Variants in ARHGAP32 observed in about 807,000 individuals in gnomAD.
The protein encoded by ARHGAP32 is rho GTPase-activating protein 32.
Under a neutral mutation model 186.5 loss-of-function variants are expected in ARHGAP32, and 51 were observed. The observed-to-expected ratio is 0.27, with a 90% confidence interval of 0.22 to 0.35. The LOEUF is 0.35. ARHGAP32 is among the 10% of genes least tolerant of loss of function. The pLI, the probability that ARHGAP32 is intolerant of heterozygous loss-of-function variation, is 1.00. For synonymous variants in ARHGAP32, 950 were observed against 964.3 expected (o/e 0.99, Z 0.27); for missense variants, 2,186 against 2,623.5 (o/e 0.83, Z 3.64).
In ARHGAP32 at chr11:128,974,313, C is replaced by T. The variant is rs138975915; in HGVS notation, c.2884G>A (p.Ala962Thr). ...TWDKCVEERDATNRSPTQIVK... is the reference protein window; with the variant it reads ...TWDKCVEERDTTNRSPTQIVK... ...ATCTGGGTGGGGGATCTATTTGTGG[C>T]ATCCCTTTCTTCAACGCATTTGTCC... is the stretch of plus-strand genomic sequence containing the variant. The change falls in exon 21 of 23, where the codon GCC (alanine) becomes ACC (threonine). Residue 962 changes from alanine (A) to threonine (T), a missense_variant. Physicochemically the swap from Ala to Thr is moderately conservative, Grantham distance 58. Transcript: ENST00000682385. 173 of 1,614,048 alleles carry T rather than the reference C, an allele frequency of 1.1e-4. No individual in the cohort carries two copies. Among genetic ancestry groups the T allele is most frequent in the Non-Finnish European group, 1.5e-4 (172 of 1,180,032 alleles).
At chr11:129,047,278 A>G (rs577031941) in intron 10 of ARHGAP32, among the ~76,000 whole-genome samples, 3 of 152,348 alleles carry the variant, frequency 2.0e-5, no homozygotes, top group South Asian at 2.1e-4. Flanking sequence ...AGATTTTTCA[A>G]TTGGAATTAT....
chr11:129,104,578 A>G (rs1387319084), intron 5 of ARHGAP32, among the ~76,000 whole-genome samples: 2 of 152,072 alleles, frequency 1.3e-5, no homozygotes, highest in Non-Finnish European at 2.9e-5. Flanking sequence ...AAAAGAAATT[A>G]AGACTAGAAA....
chr11:129,198,677 T>G (rs368514606), intron 1 of ARHGAP32, among the ~76,000 whole-genome samples: 1 of 152,216 alleles, frequency 6.6e-6, no homozygotes, highest in Admixed American at 6.5e-5. Context: ...CTTTCCTTTA[T>G]AGATTACCCA....
intron 1 of ARHGAP32, among the ~76,000 whole-genome samples, chr11:129,256,460 T>C (rs1482178703): frequency 6.6e-6 from 1 of 152,106 alleles, no homozygotes; most frequent in Admixed American, 6.6e-5. Flanking sequence ...ATGGTTTCAA[T>C]ATAGATTATG....
intron 2 of ARHGAP32, among the ~76,000 whole-genome samples, chr11:129,157,169 CT>C (rs1242858931): frequency 6.6e-6 from 1 of 152,122 alleles, no homozygotes; most frequent in Admixed American, 6.5e-5. Flanking sequence ...AACACCTCTT[CT>C]CCTCCAAGGG....
chr11:129,272,780 G>A (rs1945487903), intron 1 of ARHGAP32, among the ~76,000 whole-genome samples: 1 of 152,210 alleles, frequency 6.6e-6, no homozygotes, highest in South Asian at 2.1e-4. Context: ...TGAGATCCAG[G>A]CACAAATGTA....
intron 12 of ARHGAP32, among the ~76,000 whole-genome samples, chr11:128,991,413 A>G (rs958778294): frequency 1.6e-4 from 25 of 152,174 alleles, no homozygotes; most frequent in African/African-American, 5.8e-4. Context: ...CATAAACTTG[A>G]ATCTTGAAGA....
chr11:129,151,151 A>G (rs1253726879), intron 2 of ARHGAP32, among the ~76,000 whole-genome samples: 32 of 152,162 alleles, frequency 2.1e-4, no homozygotes, highest in Admixed American at 2.1e-3. Context: ...TTATATAATG[A>G]TAAAAGGATC....
chr11:129,189,002 T>A (rs1191710304), intron 1 of ARHGAP32, among the ~76,000 whole-genome samples: 2 of 152,198 alleles, frequency 1.3e-5, no homozygotes, highest in Non-Finnish European at 2.9e-5. Flanking sequence ...CTTTCATGAT[T>A]CCTAGGTGTC....
intron 2 of ARHGAP32, among the ~76,000 whole-genome samples, chr11:129,145,926 T>C (rs1943160106): frequency 6.6e-6 from 1 of 152,114 alleles, no homozygotes; most frequent in Non-Finnish European, 1.5e-5. Flanking sequence ...AGAGACAGAC[T>C]TAACAGTTGT....
intron 1 of ARHGAP32, among the ~76,000 whole-genome samples, chr11:129,249,049 G>A (rs1030691997): frequency 6.6e-6 from 1 of 152,124 alleles, no homozygotes; most frequent in East Asian, 1.9e-4. Flanking sequence ...AAATGGTAAT[G>A]AATTAGATAA....
chr11:129,029,383 G>A (rs1273507473), intron 11 of ARHGAP32, among the ~76,000 whole-genome samples: 4 of 152,204 alleles, frequency 2.6e-5, no homozygotes, highest in Non-Finnish European at 5.9e-5. Flanking sequence ...ATGGCACAGG[G>A]CTTGGTGCGC....
rs1945732830 is a variant in ARHGAP32, at chr11:128,982,486, T to TGTGTGTGTGTGC, written c.1527-551_1527-550insGCACACACACAC. Reference sequence around the variant, plus strand: ...ACCAGGTAAGTGCCGTGTGTGTGTGTGTGTGTGTGTGTGTGTGTGTGTCTG... The same window carrying TGTGTGTGTGTGC: ...ACCAGGTAAGTGCCGTGTGTGTGTGTGTGTGTGTGTGCGTGTGTGTGTGTGTGTGTGTGTCTG... On this transcript the variant is annotated intron_variant, in intron 15 of 22. Coordinates refer to ENST00000682385, the MANE Select transcript of ARHGAP32 (RefSeq NM_001378024.1). Among the ~76,000 whole-genome samples the TGTGTGTGTGTGC allele has an allele frequency of 7.3e-5, 11 of 151,320 alleles. No individual in the cohort carries two copies. In the South Asian group the frequency reaches 2.1e-3, roughly 29 times the overall value.
At chr11:129,173,679 A>G (rs183322420) in intron 1 of ARHGAP32, among the ~76,000 whole-genome samples, 6 of 152,372 alleles carry the variant, frequency 3.9e-5, no homozygotes, top group African/African-American at 1.4e-4. Flanking sequence ...GCAAATCAAT[A>G]AATGTAATCC....
chr11:129,244,363 A>T (rs543733147), intron 1 of ARHGAP32, among the ~76,000 whole-genome samples: 1 of 152,376 alleles, frequency 6.6e-6, no homozygotes, highest in South Asian at 2.1e-4. Context: ...ATTTTGCACT[A>T]TTTCTTTAGA....
rs564203562 is a variant in ARHGAP32 at position 128,973,141 on chromosome 11, T to A, written c.3365A>T (p.His1122Leu). 1 of 1,614,146 alleles carries A rather than the reference T, an allele frequency of 6.2e-7. No homozygotes were observed. Among genetic ancestry groups the A allele is most frequent in the African/African-American group, 1.3e-5 (1 of 75,036 alleles). ...FQTDRPAEQF[H>L]LQNNAPGNCD... Reference sequence around the variant, plus strand: ...GTTTCCTGGTGCATTATTCTGGAGGTGGAACTGCTCTGCTGGTCGATCGGT... The same window carrying A: ...GTTTCCTGGTGCATTATTCTGGAGGAGGAACTGCTCTGCTGGTCGATCGGT... The change falls in exon 22 of 23, where the codon CAC becomes CTC. Residue 1122 changes from histidine to leucine, a missense_variant. His to Leu is a moderately conservative substitution (Grantham distance 99). This residue lies in a region of ARHGAP32 where 1,502 missense variants were observed against 1,570.0 expected (regional missense o/e 0.96). Coordinates refer to ENST00000682385, the MANE Select transcript of ARHGAP32 (RefSeq NM_001378024.1).
At chr11:129,210,338 G>A (rs1293504895) in intron 1 of ARHGAP32, among the ~76,000 whole-genome samples, 1 of 152,146 alleles carries the variant, frequency 6.6e-6, no homozygotes, top group Non-Finnish European at 1.5e-5. Flanking sequence ...CCTTACAACT[G>A]TATGGGAAAT....
chr11:129,263,374 C>A (rs560778616), intron 1 of ARHGAP32, among the ~76,000 whole-genome samples: 1 of 152,062 alleles, frequency 6.6e-6, no homozygotes, highest in African/African-American at 2.4e-5. Context: ...AGAACTCCTA[C>A]AACTCAACAA....
intron 5 of ARHGAP32, among the ~76,000 whole-genome samples, chr11:129,118,100 T>C (rs1402888024): frequency 6.6e-6 from 1 of 152,020 alleles, no homozygotes; most frequent in Non-Finnish European, 1.5e-5. Context: ...TTGGCCAAAC[T>C]ACTATTCACA....
Sources: gnomAD v4.1 joint callset for allele counts (sites outside exome capture counted in the v4.1 genomes callset) on GRCh38, gnomAD v4.1.1 for gene constraint, gnomAD v4.1.1 regional missense constraint, MANE v1.5 for transcripts, NCBI Gene and HGNC (gene_info 2026-07-23, HGNC 2026-07-21) for gene names.